Variants in FILIP1L observed in about 807,000 individuals in gnomAD.
FILIP1L encodes the protein filamin A-interacting protein 1-like.
FILIP1L carries 55 observed loss-of-function variants against 96.6 expected under a neutral mutation model. That is an observed-to-expected ratio of 0.57 (90% CI 0.46 to 0.71). The LOEUF is 0.71. FILIP1L is among the 30% of genes least tolerant of loss of function. FILIP1L has a pLI of 0.00. For missense variants in FILIP1L, 1,304 were observed against 1,321.2 expected (o/e 0.99, Z 0.20); for synonymous variants, 467 against 473.9 (o/e 0.99, Z 0.19).
At chr3:100,007,831 G>A (rs1710032592) in intron 1 of FILIP1L, among the ~76,000 whole-genome samples, 1 of 152,228 alleles carries the variant, frequency 6.6e-6, no homozygotes, top group Non-Finnish European at 1.5e-5. Flanking sequence ...GCCAGCCACT[G>A]AGGGAGTACA....
At chr3:99,834,243 T>G (rs2107490892) in intron 5 of FILIP1L, among the ~76,000 whole-genome samples, 1 of 152,374 alleles carries the variant, frequency 6.6e-6, no homozygotes, top group South Asian at 2.1e-4. Flanking sequence ...GCTGTTTGAT[T>G]TTATTAGCTC....
intron 1 of FILIP1L, among the ~76,000 whole-genome samples, chr3:100,022,915 G>A (rs2064851896): frequency 6.6e-6 from 1 of 152,122 alleles, no homozygotes; most frequent in South Asian, 2.1e-4. Flanking sequence ...CACTACATTT[G>A]GCTGAAGATC....
intron 2 of FILIP1L, among the ~76,000 whole-genome samples, chr3:99,930,344 A>T (rs1014960023): frequency 1.3e-5 from 2 of 152,122 alleles, no homozygotes; most frequent in Non-Finnish European, 2.9e-5. Context: ...AGGAAATAAA[A>T]TTCTCCTATA....
At chr3:100,000,994 G>C (rs1431414272) in intron 1 of FILIP1L, among the ~76,000 whole-genome samples, 1 of 152,166 alleles carries the variant, frequency 6.6e-6, no homozygotes, top group Admixed American at 6.5e-5. Context: ...GTTACTGGGT[G>C]ATAGATTTTT....
At chr3:99,991,649 G>A (rs1709513008) in intron 1 of FILIP1L, among the ~76,000 whole-genome samples, 1 of 151,744 alleles carries the variant, frequency 6.6e-6, no homozygotes, top group Non-Finnish European at 1.5e-5. Context: ...ATTCTACTCT[G>A]TATGTCCATG....
Position 99,848,633 on chromosome 3 carries a change from C to G in FILIP1L, c.3043G>C (p.Glu1015Gln), listed in dbSNP as rs778830328. ...GTTGGTTCTGGGGAGCGTCCCTGCT[C>G]AGGAGAGCTAGCTGAACCAGTCACA... is the stretch of plus-strand genomic sequence containing the variant. ...LAVTGSASSP[E>Q]QGRSPEPTEI... Residue 1015 changes from glutamate (E) to glutamine (Q), a missense_variant, in exon 5 of 6, where the codon GAG becomes CAG. Coordinates refer to ENST00000477258, the MANE Select transcript of FILIP1L (RefSeq NM_001387850.1). 2 of 1,614,152 alleles carry G rather than the reference C, an allele frequency of 1.2e-6. No homozygotes were observed.
chr3:99,940,633 C>T (rs1410355304), intron 1 of FILIP1L, among the ~76,000 whole-genome samples: 1 of 152,184 alleles, frequency 6.6e-6, no homozygotes, highest in Non-Finnish European at 1.5e-5. Flanking sequence ...ACCCCTGTTT[C>T]CTCCAGCTCT....
At chr3:100,005,393 C>A (rs558366214) in intron 1 of FILIP1L, among the ~76,000 whole-genome samples, 1 of 152,196 alleles carries the variant, frequency 6.6e-6, no homozygotes, top group South Asian at 2.1e-4. Flanking sequence ...TCCCTCTACC[C>A]CCACTGTATA....
chr3:99,932,108 A>G (rs972982818), intron 1 of FILIP1L, among the ~76,000 whole-genome samples: 1 of 152,196 alleles, frequency 6.6e-6, no homozygotes, highest in African/African-American at 2.4e-5. Flanking sequence ...TTTACTGTAT[A>G]TTAGAAAACA....
In FILIP1L at chr3:99,849,134, T is replaced by G. The variant is rs1487466707; in HGVS notation, c.2542A>C (p.Lys848Gln). Residue 848 changes from lysine (K) to glutamine (Q), a missense_variant, in exon 5 of 6, where the codon AAA (lysine) becomes CAA (glutamine). Lys to Gln is a moderately conservative substitution (Grantham distance 53). Coordinates refer to ENST00000477258, the MANE Select transcript of FILIP1L (RefSeq NM_001387850.1). Reference sequence around the variant, plus strand: ...GGACATGGAGTAGACTGGCTGCATTTGAAGGACAGCACAGATCCCTCATCA... The same window carrying G: ...GGACATGGAGTAGACTGGCTGCATTGGAAGGACAGCACAGATCCCTCATCA... ...PNDEGSVLSFKCSQSTPCPVN... is the reference protein window; with the variant it reads ...PNDEGSVLSFQCSQSTPCPVN... The G allele has an allele frequency of 6.2e-7, 1 of 1,614,190 alleles. No individual in the cohort carries two copies. Among genetic ancestry groups the G allele is most frequent in the Non-Finnish European group, 8.5e-7 (1 of 1,180,030 alleles).
At chr3:100,057,661 A>G (rs1410354649) in intron 1 of FILIP1L, among the ~76,000 whole-genome samples, 1 of 152,160 alleles carries the variant, frequency 6.6e-6, no homozygotes, top group African/African-American at 2.4e-5. Context: ...CAGGCCCCAT[A>G]TGGGACAGTT....
intron 1 of FILIP1L, 68 bp from the exon 2 acceptor site, chr3:99,931,098 G>A: frequency 7.8e-7 from 1 of 1,276,482 alleles, no homozygotes; most frequent in Non-Finnish European, 1.1e-6. Context: ...ACCTATTACT[G>A]CTTTAACAAG....
intron 3 of FILIP1L, among the ~76,000 whole-genome samples, chr3:99,924,954 G>A (rs1437981691): frequency 3.3e-5 from 5 of 152,080 alleles, no homozygotes; most frequent in Non-Finnish European, 5.9e-5. Flanking sequence ...GTGTCCCTGT[G>A]GGTATCAACT....
At chr3:99,887,371 A>T (rs549523233) in intron 4 of FILIP1L, among the ~76,000 whole-genome samples, 26 of 152,260 alleles carry the variant, frequency 1.7e-4, no homozygotes, top group Admixed American at 5.2e-4. Context: ...CAGGAAGGAG[A>T]ATGGTGGAAC....
chr3:100,094,644 T>C (rs2107442608), intron 1 of FILIP1L, among the ~76,000 whole-genome samples: 1 of 151,452 alleles, frequency 6.6e-6, no homozygotes, highest in Non-Finnish European at 1.5e-5. Flanking sequence ...GATGTCCAAT[T>C]TCTCCAGCAC....
intron 1 of FILIP1L, among the ~76,000 whole-genome samples, chr3:100,084,827 G>A (rs562999937): frequency 1.3e-5 from 2 of 152,218 alleles, no homozygotes; most frequent in East Asian, 1.9e-4. Context: ...TTTCACTTGC[G>A]TAGGTGGAAT....
At chr3:99,950,947 G>A (rs1172705565) in intron 1 of FILIP1L, among the ~76,000 whole-genome samples, 1 of 152,170 alleles carries the variant, frequency 6.6e-6, no homozygotes, top group Non-Finnish European at 1.5e-5. Flanking sequence ...GGATTATTGG[G>A]TTTGACTCTG....
intron 1 of FILIP1L, among the ~76,000 whole-genome samples, chr3:100,056,952 C>T (rs1232467947): frequency 7.2e-5 from 11 of 151,876 alleles, no homozygotes; most frequent in Admixed American, 1.3e-4. Context: ...TGCAGTGAGC[C>T]GAGATCGCAC....
chr3:100,053,322 A>G (rs1160803405), intron 1 of FILIP1L, among the ~76,000 whole-genome samples: 2 of 152,182 alleles, frequency 1.3e-5, no homozygotes, highest in Non-Finnish European at 2.9e-5. Flanking sequence ...CAGCAGGGCT[A>G]TGCTTCCTTC....
Sources: allele counts gnomAD v4.1 joint callset (sites outside exome capture counted in the v4.1 genomes callset), GRCh38; gene constraint gnomAD v4.1.1; transcripts MANE v1.5; gene names NCBI Gene and HGNC (gene_info 2026-07-23, HGNC 2026-07-21).